The following TKT variants were observed in gnomAD, a reference collection of about 807,000 sequenced individuals.
The protein encoded by TKT is transketolase.
TKT carries 47 observed loss-of-function variants against 63.9 expected under a neutral mutation model. The observed-to-expected ratio is 0.74, with a 90% CI of 0.58 to 0.94. The LOEUF (loss-of-function observed/expected upper bound fraction) is 0.94, where lower values mean the gene tolerates loss of function less well. Ranked by LOEUF, TKT falls within the 40% of genes least tolerant of loss-of-function variation. The pLI, the probability that TKT is intolerant of heterozygous loss-of-function variation, is 0.00. For synonymous variants in TKT, 338 were observed against 334.1 expected, an observed-to-expected ratio of 1.01 and a Z score of -0.13; for missense variants, 721 against 846.2, an observed-to-expected ratio of 0.85 and a Z score of 1.84.
intron 1 of TKT, among the ~76,000 whole-genome samples, chr3:53,253,585 T>G (rs577586564): frequency 1.3e-5 from 2 of 152,276 alleles, no homozygotes; most frequent in South Asian, 4.1e-4. Context: ...GCCAAGATGG[T>G]GAAACCCCAT....
chr3:53,253,014 T>G (rs1275016063), intron 1 of TKT, among the ~76,000 whole-genome samples: 2 of 152,066 alleles, frequency 1.3e-5, no homozygotes, highest in African/African-American at 4.8e-5. Context: ...TAATTTTTTG[T>G]ATTTTTAGTA....
At chr3:53,238,323 TTG>T (rs1705126022) in intron 4 of TKT, among the ~76,000 whole-genome samples, 2 of 152,266 alleles carry the variant, frequency 1.3e-5, no homozygotes, top group Admixed American at 6.5e-5. Context: ...ATCTCATTCT[TTG>T]TGTGTCTCTC....
chr3:53,248,316 T>C (rs567523503), intron 1 of TKT, among the ~76,000 whole-genome samples: 6 of 152,300 alleles, frequency 3.9e-5, no homozygotes, highest in Admixed American at 3.9e-4. Context: ...AAATGCACTA[T>C]GTCCACACAA....
intron 4 of TKT, among the ~76,000 whole-genome samples, chr3:53,239,156 T>G (rs1705163541): frequency 6.6e-6 from 1 of 152,132 alleles, no homozygotes; most frequent in African/African-American, 2.4e-5. Flanking sequence ...AAGATGTGAC[T>G]TGTTCCTCCT....
chr3:53,242,082 T>A (rs201269392), intron 2 of TKT, 43 bp downstream of exon 2: 206 of 1,581,770 alleles, frequency 1.3e-4, no homozygotes, highest in Admixed American at 6.5e-4. Flanking sequence ...GTGACCCTAG[T>A]CCCAGGCAAG....
intron 1 of TKT, among the ~76,000 whole-genome samples, chr3:53,255,363 A>G (rs1015663679): frequency 4.9e-4 from 74 of 152,250 alleles, no homozygotes; most frequent in Middle Eastern, 3.4e-3. Context: ...AACTTTGGGT[A>G]GCTGACTAAC....
At chr3:53,242,343 G>C in intron 1 of TKT, 101 bp from the exon 2 acceptor site, 2 of 1,139,820 alleles carry the variant, frequency 1.8e-6, no homozygotes, top group Non-Finnish European at 2.6e-6. Context: ...GTCCTGAGGA[G>C]TCACACAGGC....
At chr3:53,227,141 G>A (rs990428430) in intron 12 of TKT, 6 of 401,964 alleles carry the variant, frequency 1.5e-5, no homozygotes, top group East Asian at 4.7e-5. Context: ...GGCCCTGAGC[G>A]CCTTCCCTCA....
chr3:53,249,445 T>TG (rs1473867365), intron 1 of TKT, among the ~76,000 whole-genome samples: 1 of 151,946 alleles, frequency 6.6e-6, no homozygotes, highest in African/African-American at 2.4e-5. Flanking sequence ...AGCTGGGCAG[T>TG]GGTGGCATGC....
intron 4 of TKT, among the ~76,000 whole-genome samples, 158 bp downstream of exon 4, chr3:53,240,093 C>A (rs1479248503): frequency 6.6e-6 from 1 of 152,216 alleles, no homozygotes; most frequent in African/African-American, 2.4e-5. Flanking sequence ...ATGGCACCAG[C>A]CATAGCGGAT....
rs782776243 is a variant in TKT at position 53,242,260 on chromosome 3, A to G, written c.108-18T>C. The G allele has an allele frequency of 3.7e-6, 6 of 1,609,856 alleles. No homozygotes were observed. The African/African-American group carries it at 8.0e-5, about 22-fold the overall frequency. ...TGGGGTGGCTGTGGCCCAGGAGAGA[A>G]GACAGACACAGGCATCATGGCCCTG... On this transcript the variant is annotated intron_variant, in intron 1 of 13. Coordinates refer to ENST00000462138, the MANE Select transcript of TKT (RefSeq NM_001064.4).
In TKT at chr3:53,229,365, GA is replaced by G. The variant is rs1393946194; in HGVS notation, c.1178del (p.Phe393SerfsTer39). ...VPFCSTFAAFFTRAFDQIRMA... is the reference protein window; with the variant it reads ...VPFCSTFAAFXTRAFDQIRMA... ...TGCGAATCTGGTCAAAGGCCCGCGT[GA>G]AGAAGGCTGCAAAAGTGCTGCAGAA... On this transcript the variant is annotated frameshift_variant, in exon 9 of 14. Coordinates refer to ENST00000462138, the MANE Select transcript of TKT (RefSeq NM_001064.4). LOFTEE classifies it high-confidence loss of function. 1.2e-6 allele frequency: 2 copies of G among 1,613,504 alleles called. No homozygotes were observed. The highest frequency in any genetic ancestry group is 1.3e-5 in the African/African-American group (1 of 74,908).
In TKT at chr3:53,242,175, T is replaced by C; in HGVS notation, c.175A>G (p.Lys59Glu). Reference protein sequence around the residue: ...AVLFFHTMRYKSQDPRNPHND... With the variant: ...AVLFFHTMRYESQDPRNPHND... Reference sequence around the variant, plus strand: ...TGCGGATTCCGGGGGTCCTGGGACTTGTAGCGCATGGTGTGGAAAAAGAGG... The same window carrying C: ...TGCGGATTCCGGGGGTCCTGGGACTCGTAGCGCATGGTGTGGAAAAAGAGG... The change falls in exon 2 of 14, where the codon AAG (lysine) becomes GAG (glutamate). Residue 59 changes from lysine to glutamate, a missense_variant. Physicochemically the swap from Lys to Glu is moderately conservative, Grantham distance 56. Coordinates refer to ENST00000462138, the MANE Select transcript of TKT (RefSeq NM_001064.4). 1 of 1,614,050 alleles carries C rather than the reference T, an allele frequency of 6.2e-7. No homozygotes were observed. Among genetic ancestry groups the C allele is most frequent in the East Asian group, 2.2e-5 (1 of 44,878 alleles).
At chr3:53,251,377 T>C (rs1434210636) in intron 1 of TKT, among the ~76,000 whole-genome samples, 1 of 152,166 alleles carries the variant, frequency 6.6e-6, no homozygotes, top group African/African-American at 2.4e-5. Flanking sequence ...TGGGGTTTTG[T>C]TTTTTTAAAG....
chr3:53,232,060 C>A (rs1166957245), intron 6 of TKT: 1 of 324,426 alleles, frequency 3.1e-6, no homozygotes, highest in Non-Finnish European at 5.6e-6. Context: ...AGCACCTAGG[C>A]ATGCCCACCC....
At chr3:53,251,471 T>C (rs1705743509) in intron 1 of TKT, among the ~76,000 whole-genome samples, 2 of 152,106 alleles carry the variant, frequency 1.3e-5, no homozygotes, top group South Asian at 4.2e-4. Flanking sequence ...CTGTGGGCGC[T>C]GCCTCAACAA....
chr3:53,234,989 G>T lies in TKT; in HGVS notation c.623C>A (p.Ala208Asp), dbSNP rs565697670. ...GCCACAGCCTCGTACATACCCGAAG[G>T]CCTCGCACCGCTTCTGGTAGATGTC... is the stretch of plus-strand genomic sequence containing the variant. ...QMDIYQKRCE[A>D]FGWHAIIVDG... The change falls in exon 5 of 14, where the codon GCC (alanine) becomes GAC (aspartate). Residue 208 changes from alanine to aspartate, a missense_variant. Coordinates refer to ENST00000462138, the MANE Select transcript of TKT (RefSeq NM_001064.4). 6.2e-7 allele frequency: 1 copy of T among 1,612,476 alleles called. No homozygotes were observed. Among genetic ancestry groups the T allele is most frequent in the East Asian group, 2.2e-5 (1 of 44,860 alleles).
intron 4 of TKT, among the ~76,000 whole-genome samples, chr3:53,235,939 C>CTGGGCCCCTGGGGAGGGTGGG (rs1553678497): frequency 8.1e-4 from 123 of 152,378 alleles, no homozygotes; most frequent in African/African-American, 2.9e-3. Flanking sequence ...CAGAACGTTC[C>CTGGGCCCCTGGGGAGGGTGGG]CGGCCTGGGA....
chr3:53,237,801 AG>A (rs1705105303), intron 4 of TKT: 1 of 152,282 alleles, frequency 6.6e-6, no homozygotes, highest in South Asian at 2.1e-4. Flanking sequence ...ACGTACCTGT[AG>A]TCCCAGCTAC....
Sources: gnomAD v4.1 joint callset for allele counts (sites outside exome capture counted in the v4.1 genomes callset) on GRCh38, gnomAD v4.1.1 for gene constraint, MANE v1.5 for transcripts, NCBI Gene and HGNC (gene_info 2026-07-23, HGNC 2026-07-21) for gene names.